NARS2: variants seen among roughly 807,000 people sequenced by gnomAD.
NARS2 encodes asparaginyl-tRNA synthetase.
Under a neutral mutation model 62.9 loss-of-function variants are expected in NARS2, and 60 were observed. The observed-to-expected ratio is 0.95, with a 90% CI of 0.77 to 1.18. The LOEUF is 1.18. Among genes scored for constraint, NARS2 ranks in the 50% most tolerant of loss-of-function variants. NARS2 has a pLI of 0.00. For synonymous variants in NARS2, 196 were observed against 200.0 expected (o/e 0.98, Z 0.17); for missense variants, 619 against 576.4 (o/e 1.07, Z -0.76).
chr11:78,484,930 C>T (rs1012411763), intron 7 of NARS2, among the ~76,000 whole-genome samples: 14 of 152,192 alleles, frequency 9.2e-5, no homozygotes, highest in African/African-American at 2.9e-4. Flanking sequence ...AAGACACATG[C>T]ACACATGTTT....
At chr11:78,540,968 G>A (rs1018403693) in intron 5 of NARS2, among the ~76,000 whole-genome samples, 2 of 152,144 alleles carry the variant, frequency 1.3e-5, no homozygotes, top group Admixed American at 6.5e-5. Flanking sequence ...AGACCAGCCT[G>A]GTCAACATGG....
At chr11:78,450,447 T>C (rs1455108801) in intron 11 of NARS2, among the ~76,000 whole-genome samples, 1 of 152,152 alleles carries the variant, frequency 6.6e-6, no homozygotes, top group African/African-American at 2.4e-5. Flanking sequence ...TGTTCTTTCT[T>C]TGCCTACATG....
Position 78,436,780 on chromosome 11 carries a change from G to T in NARS2, c.1324C>A (p.His442Asn). ...LDLRRFGSVP[H>N]GGFGMGFERY... is the part of the protein sequence containing the mutation. ...TCAAATCCCATCCCAAAACCTCCAT[G>T]TGGCACAGATCCAAATCGACGAAGG... Residue 442 changes from histidine to asparagine, a missense_variant, in exon 14 of 14, where the codon CAT (histidine) becomes AAT (asparagine). By Grantham distance (68) the His-to-Asn change is moderately conservative. Coordinates refer to ENST00000281038, the MANE Select transcript of NARS2 (RefSeq NM_024678.6). The T allele has an allele frequency of 6.2e-7, 1 of 1,614,180 alleles. No homozygotes were observed. The highest frequency in any genetic ancestry group is 1.7e-5 in the Admixed American group (1 of 60,020).
At chr11:78,483,031 C>T (rs887416133) in intron 7 of NARS2, among the ~76,000 whole-genome samples, 1 of 152,112 alleles carries the variant, frequency 6.6e-6, no homozygotes, top group Admixed American at 6.6e-5. Context: ...CATCAAAAAG[C>T]TTATCCACCA....
chr11:78,538,949 C>G (rs931784334), intron 5 of NARS2, among the ~76,000 whole-genome samples: 2 of 132,892 alleles, frequency 1.5e-5, no homozygotes, highest in African/African-American at 6.1e-5. Context: ...GAGCCGAGAT[C>G]GCGCCACTGC....
chr11:78,532,811 T>C (rs1861528169), intron 5 of NARS2, among the ~76,000 whole-genome samples: 4 of 152,196 alleles, frequency 2.6e-5, no homozygotes, highest in Admixed American at 2.6e-4. Context: ...ATTTTAAATA[T>C]ATCTTTCCTG....
At chr11:78,549,717 G>A (rs1856022084) in intron 5 of NARS2, among the ~76,000 whole-genome samples, 1 of 152,138 alleles carries the variant, frequency 6.6e-6, no homozygotes, top group Non-Finnish European at 1.5e-5. Context: ...GCAAGTAATG[G>A]AGCTTAAGAG....
At chr11:78,525,418 A>T (rs1259397097) in intron 6 of NARS2, among the ~76,000 whole-genome samples, 5 of 152,176 alleles carry the variant, frequency 3.3e-5, no homozygotes, top group African/African-American at 1.2e-4. Flanking sequence ...GGAATTAGTC[A>T]AAGTACAGGG....
chr11:78,508,614 A>C (rs531215014), intron 6 of NARS2, among the ~76,000 whole-genome samples: 1 of 151,964 alleles, frequency 6.6e-6, no homozygotes, highest in African/African-American at 2.4e-5. Flanking sequence ...AAACAAAAAA[A>C]AAACCATTGA....
At chr11:78,547,959 C>A (rs1302050258) in intron 5 of NARS2, among the ~76,000 whole-genome samples, 1 of 152,126 alleles carries the variant, frequency 6.6e-6, no homozygotes, top group African/African-American at 2.4e-5. Flanking sequence ...GTGGTTCACG[C>A]CTGTAATTCC....
At chr11:78,482,145 A>C (rs1045765765) in intron 7 of NARS2, among the ~76,000 whole-genome samples, 12 of 152,180 alleles carry the variant, frequency 7.9e-5, no homozygotes, top group Non-Finnish European at 1.2e-4. Context: ...TTAATAATTA[A>C]ACCACTTTAT....
intron 9 of NARS2, among the ~76,000 whole-genome samples, chr11:78,471,370 CTCAACTGATTCTACCACT>C (rs1205677531): frequency 6.6e-6 from 1 of 152,076 alleles, no homozygotes; most frequent in Non-Finnish European, 1.5e-5. Flanking sequence ...AGAAAATGGG[CTCAACTGATTCTACCACT>C]TCATCTGATT....
chr11:78,516,532 C>A (rs1860917945), intron 6 of NARS2, among the ~76,000 whole-genome samples: 1 of 152,180 alleles, frequency 6.6e-6, no homozygotes, highest in African/African-American at 2.4e-5. Context: ...GTTTAATGCT[C>A]ATCTTGCTCA....
At chr11:78,446,360 C>G (rs796722045) in intron 11 of NARS2, among the ~76,000 whole-genome samples, 2 of 152,192 alleles carry the variant, frequency 1.3e-5, no homozygotes, top group Non-Finnish European at 2.9e-5. Context: ...TGAGCAAGAA[C>G]AGCTACACAA....
At chr11:78,546,902 T>C (rs569043604) in intron 5 of NARS2, among the ~76,000 whole-genome samples, 1 of 152,366 alleles carries the variant, frequency 6.6e-6, no homozygotes, top group South Asian at 2.1e-4. Flanking sequence ...AGAGCACTTA[T>C]AAAAAGTGAA....
intron 6 of NARS2, among the ~76,000 whole-genome samples, chr11:78,509,127 AAAG>A (rs967916316): frequency 6.6e-6 from 1 of 151,992 alleles, no homozygotes; most frequent in African/African-American, 2.4e-5. Context: ...AAAAAAAAAA[AAAG>A]ATTATCAACA....
intron 4 of NARS2, among the ~76,000 whole-genome samples, chr11:78,559,907 C>T (rs114426685): frequency 8.5e-4 from 129 of 152,306 alleles, no homozygotes; most frequent in African/African-American, 2.9e-3. Flanking sequence ...CCACAAGTTA[C>T]ACAATTAGTC....
chr11:78,518,952 C>T (rs954679294), intron 6 of NARS2, among the ~76,000 whole-genome samples: 2 of 152,150 alleles, frequency 1.3e-5, no homozygotes, highest in Non-Finnish European at 2.9e-5. Flanking sequence ...GGAATGACCA[C>T]ATATGGAAAA....
At chr11:78,444,897 C>T (rs910684880) in intron 11 of NARS2, among the ~76,000 whole-genome samples, 31 of 152,086 alleles carry the variant, frequency 2.0e-4, no homozygotes, top group African/African-American at 4.8e-4. Flanking sequence ...GATAACCAAA[C>T]GCCTGAAAAA....
Sources: gnomAD v4.1 joint callset for allele counts (sites outside exome capture counted in the v4.1 genomes callset) on GRCh38, gnomAD v4.1.1 for gene constraint, MANE v1.5 for transcripts, NCBI Gene and HGNC (gene_info 2026-07-23, HGNC 2026-07-21) for gene names.